CCDC102B: variants seen among roughly 807,000 people sequenced by gnomAD.
CCDC102B encodes coiled-coil domain-containing protein 102B.
Under a neutral mutation model 57.4 loss-of-function variants are expected in CCDC102B, and 75 were observed. The observed-to-expected ratio is 1.31, with a 90% CI of 1.08 to 1.58. The LOEUF is 1.58. CCDC102B is among the 40% of genes most tolerant of loss of function. The pLI, the probability that CCDC102B is intolerant of heterozygous loss-of-function variation, is 0.00. For missense variants in CCDC102B, 636 were observed against 582.6 expected, an observed-to-expected ratio of 1.09 and a Z score of -0.94; for synonymous variants, 206 against 201.9, an observed-to-expected ratio of 1.02 and a Z score of -0.17.
chr18:68,891,899 T>A (rs79075012), intron 5 of CCDC102B, among the ~76,000 whole-genome samples: 1,618 of 152,158 alleles, frequency 0.011, 38 homozygotes, highest in East Asian at 0.081. Context: ...TATTGGGGGG[T>A]ACACAATTCA....
At chr18:68,739,397 C>T (rs956102857) in intron 2 of CCDC102B, among the ~76,000 whole-genome samples, 9 of 152,176 alleles carry the variant, frequency 5.9e-5, no homozygotes, top group African/African-American at 2.2e-4. Flanking sequence ...TGCTTTTACT[C>T]ACCCCATCCC....
intron 2 of CCDC102B, among the ~76,000 whole-genome samples, chr18:68,725,438 T>A (rs181218481): frequency 1.1e-4 from 17 of 152,332 alleles, no homozygotes; most frequent in Admixed American, 9.8e-4. Flanking sequence ...CTGCTCCTTT[T>A]TGGAGTCTCT....
At chr18:68,864,779 GA>G (rs975124570) in intron 4 of CCDC102B, among the ~76,000 whole-genome samples, 152 of 152,092 alleles carry the variant, frequency 1.0e-3, no homozygotes, top group African/African-American at 3.5e-3. Flanking sequence ...AAAAGATACT[GA>G]ATGTAGAAAC....
chr18:68,947,674 C>T (rs2049579585), intron 6 of CCDC102B, among the ~76,000 whole-genome samples: 1 of 152,058 alleles, frequency 6.6e-6, no homozygotes, highest in Non-Finnish European at 1.5e-5. Flanking sequence ...AGTGTCTTAA[C>T]CCTGAGCATA....
At chr18:68,789,439 T>G (rs1014167969) in intron 2 of CCDC102B, among the ~76,000 whole-genome samples, 1 of 152,152 alleles carries the variant, frequency 6.6e-6, no homozygotes, top group Non-Finnish European at 1.5e-5. Flanking sequence ...CAACTTGGTT[T>G]CATTCTCCCC....
intron 2 of CCDC102B, among the ~76,000 whole-genome samples, chr18:68,773,891 A>G (rs1226357807): frequency 2.6e-5 from 4 of 152,054 alleles, no homozygotes; most frequent in Non-Finnish European, 5.9e-5. Context: ...TCAGTCACAC[A>G]TTTTACCCAA....
intron 7 of CCDC102B, among the ~76,000 whole-genome samples, chr18:69,011,445 C>T (rs1343240453): frequency 6.6e-6 from 1 of 151,294 alleles, no homozygotes; most frequent in Non-Finnish European, 1.5e-5. Flanking sequence ...AAGATTTAAG[C>T]ATCTATATCA....
At chr18:68,798,014 A>C (rs2035692834), upstream of CCDC102B, 1 of 152,052 alleles carries the variant, frequency 6.6e-6, no homozygotes, top group Non-Finnish European at 1.5e-5. Flanking sequence ...AAAACTTCAC[A>C]ACCAATGGGA....
chr18:68,943,999 C>G (rs368756720), intron 6 of CCDC102B, among the ~76,000 whole-genome samples: 1 of 152,088 alleles, frequency 6.6e-6, no homozygotes, highest in East Asian at 1.9e-4. Context: ...GATGCTATGC[C>G]GGACAGGGAC....
chr18:68,786,491 C>T (rs1599458680), intron 2 of CCDC102B, among the ~76,000 whole-genome samples: 1 of 143,124 alleles, frequency 7.0e-6, no homozygotes, highest in African/African-American at 2.7e-5. Flanking sequence ...TTTGTATCCT[C>T]TTTTATTTCC....
intron 4 of CCDC102B, among the ~76,000 whole-genome samples, chr18:68,854,095 TTTTTTTTTTTCTTTTTA>T (rs1412187069): frequency 4.9e-5 from 1 of 20,456 alleles, no homozygotes; most frequent in Non-Finnish European, 2.0e-4. Flanking sequence ...TTTCTTGTTT[TTTTTTTTTTTCTTTTTA>T]TTTTTGAGAC....
At chr18:68,984,746 A>G (rs2050682222) in intron 6 of CCDC102B, among the ~76,000 whole-genome samples, 1 of 152,158 alleles carries the variant, frequency 6.6e-6, no homozygotes, top group Non-Finnish European at 1.5e-5. Context: ...AGTGAGAGAT[A>G]AAACTTAAAT....
chr18:68,973,578 T>C (rs1403273887), intron 6 of CCDC102B, among the ~76,000 whole-genome samples: 2 of 152,120 alleles, frequency 1.3e-5, no homozygotes, highest in Non-Finnish European at 2.9e-5. Context: ...CTTTTTCTTA[T>C]AAAACATCAT....
chr18:68,897,151 T>C, intron 5 of CCDC102B, 68 bp from the exon 6 acceptor site: 2 of 1,191,694 alleles, frequency 1.7e-6, no homozygotes, highest in East Asian at 4.7e-5. Context: ...GGAGTCTGGT[T>C]GTGGGTGGCA....
chr18:68,956,521 T>A (rs1282796113), intron 6 of CCDC102B, among the ~76,000 whole-genome samples: 5 of 17,190 alleles, frequency 2.9e-4, no homozygotes, highest in East Asian at 3.8e-3. Context: ...ATATCGCATA[T>A]TATATATATT....
At chr18:68,911,665 T>C (rs1380528551) in intron 6 of CCDC102B, among the ~76,000 whole-genome samples, 2 of 134,118 alleles carry the variant, frequency 1.5e-5, no homozygotes, top group African/African-American at 3.0e-5. Context: ...GGCAGGAGAA[T>C]GGCGTGAACC....
intron 2 of CCDC102B, among the ~76,000 whole-genome samples, chr18:68,759,192 G>GA: frequency 6.6e-6 from 1 of 151,990 alleles, no homozygotes; most frequent in African/African-American, 2.4e-5. Flanking sequence ...AAATATTGGG[G>GA]AAAAATAAAG....
chr18:68,906,014 T>C (rs186895572), intron 6 of CCDC102B, among the ~76,000 whole-genome samples: 1,605 of 151,898 alleles, frequency 0.011, 37 homozygotes, highest in East Asian at 0.081. Flanking sequence ...AGGATGGTCT[T>C]GATCGCCTGA....
intron 4 of CCDC102B, among the ~76,000 whole-genome samples, chr18:68,857,256 T>TTTATATATTATATA (rs1207346944): frequency 5.4e-5 from 3 of 55,256 alleles, no homozygotes; most frequent in Non-Finnish European, 1.1e-4. Flanking sequence ...ATTTATTATT[T>TTTATATATTATATA]AAATATATAA....
Sources: allele counts gnomAD v4.1 joint callset (sites outside exome capture counted in the v4.1 genomes callset), GRCh38; gene constraint gnomAD v4.1.1; transcripts MANE v1.5; gene names NCBI Gene and HGNC (gene_info 2026-07-23, HGNC 2026-07-21).